PAK4: variants seen among roughly 807,000 people sequenced by gnomAD.
PAK4 encodes the protein p21 (RAC1) activated kinase 4, also known as serine/threonine-protein kinase PAK 4.
Under a neutral mutation model 53.5 loss-of-function variants are expected in PAK4, and 49 were observed. That is an observed-to-expected ratio of 0.92 (90% confidence interval 0.73 to 1.16). PAK4 has a LOEUF of 1.16. Ranked by LOEUF, PAK4 falls within the 50% of genes most tolerant of loss-of-function variation. The pLI, the probability that PAK4 is intolerant of heterozygous loss-of-function variation, is 0.00. For missense variants in PAK4, 824 were observed against 850.7 expected (o/e 0.97, Z 0.39); for synonymous variants, 376 against 375.6 (o/e 1.00, Z -0.01).
rs766918820 is a variant in PAK4 at position 39,173,387 on chromosome 19, C to T, written c.663+11C>T. On this transcript the variant is annotated intron_variant, in intron 3 of 8. Transcript: ENST00000358301. This position sits in a 1 kb window ranked among gnomAD's most constrained non-coding sequence, Gnocchi z 6.9. Reference sequence around the variant, plus strand: ...TCCCGGGGTGCCCAGGTAACCCATCCCCCGCCCCAGGGCCCCCACTGTCCC... The same window carrying T: ...TCCCGGGGTGCCCAGGTAACCCATCTCCCGCCCCAGGGCCCCCACTGTCCC... 70 of 1,511,920 alleles carry T rather than the reference C, an allele frequency of 4.6e-5. No homozygotes were observed. Among genetic ancestry groups the T allele is most frequent in the Non-Finnish European group, 6.0e-5 (68 of 1,128,742 alleles). The allele number at this position is 1,511,920 out of a possible 1,614,324, so 93.7% of individuals were successfully genotyped here. A position where few individuals can be genotyped will look rare whatever the true frequency, so the allele number is the denominator to read the frequency against.
chr19:39,154,183 C>T (rs2074138660), intron 1 of PAK4, among the ~76,000 whole-genome samples: 1 of 152,140 alleles, frequency 6.6e-6, no homozygotes, highest in Non-Finnish European at 1.5e-5. Flanking sequence ...GTGCTCCCTG[C>T]CCCATGGGCC....
At chr19:39,172,203 C>G (rs1206220715) in intron 2 of PAK4, among the ~76,000 whole-genome samples, 1 of 115,266 alleles carries the variant, frequency 8.7e-6, no homozygotes. Context: ...GAGCCGCCAG[C>G]GGAGAGGCCC....
intron 1 of PAK4, among the ~76,000 whole-genome samples, chr19:39,152,931 C>T (rs1005748886): frequency 3.3e-5 from 5 of 152,276 alleles, no homozygotes; most frequent in African/African-American, 1.2e-4. Flanking sequence ...GGAGGGCCAG[C>T]TTTTCCATCC....
At chr19:39,159,734 T>G (rs1200568945) in intron 1 of PAK4, among the ~76,000 whole-genome samples, 2 of 152,028 alleles carry the variant, frequency 1.3e-5, no homozygotes, top group Admixed American at 6.6e-5. Flanking sequence ...AAGGTGAAGG[T>G]TGAGGGGGCA....
At chr19:39,164,436 T>TGGGA (rs1293124437) in intron 1 of PAK4, among the ~76,000 whole-genome samples, 3 of 151,072 alleles carry the variant, frequency 2.0e-5, no homozygotes, top group Non-Finnish European at 4.4e-5. Flanking sequence ...TCAGGGAAGG[T>TGGGA]GGGAGATCAG....
rs770587781 is a variant in PAK4, at chr19:39,143,524, C to T, written c.-23+17605C>T. On this transcript the variant is annotated intron_variant, in intron 1 of 8. Transcript: ENST00000358301. Reference sequence around the variant, plus strand: ...AGGAGAATCGCTGGAACCCAGGAGGCGGAGGTTGCAGTGAGCCAAGATCAC... The same window carrying T: ...AGGAGAATCGCTGGAACCCAGGAGGTGGAGGTTGCAGTGAGCCAAGATCAC... Among the ~76,000 whole-genome samples, 38 of 121,598 alleles carry T rather than the reference C, an allele frequency of 3.1e-4. No individual in the cohort carries two copies. The Middle Eastern group carries it at 0.024, about 76-fold the overall frequency. The allele number at this position is 121,598 out of a possible 152,430, so 79.8% of individuals were successfully genotyped here.
intron 1 of PAK4, among the ~76,000 whole-genome samples, chr19:39,157,154 T>G (rs2074198883): frequency 6.6e-6 from 1 of 151,842 alleles, no homozygotes. Flanking sequence ...TGGGTGACCC[T>G]GGAGTTGACT....
At chr19:39,150,502 G>C (rs1207947570) in intron 1 of PAK4, among the ~76,000 whole-genome samples, 1 of 152,044 alleles carries the variant, frequency 6.6e-6, no homozygotes, top group Non-Finnish European at 1.5e-5. Context: ...CCTCACAGTT[G>C]CCCAAACAGC....
chr19:39,158,080 GTGTGTGTGCA>G (rs1357145853), intron 1 of PAK4, among the ~76,000 whole-genome samples: 8 of 151,942 alleles, frequency 5.3e-5, no homozygotes, highest in Admixed American at 5.2e-4. Flanking sequence ...GCATGCATGT[GTGTGTGTGCA>G]TGTGTGTGCA....
At chr19:39,155,799 C>T (rs1221584979) in intron 1 of PAK4, among the ~76,000 whole-genome samples, 5 of 152,216 alleles carry the variant, frequency 3.3e-5, no homozygotes, top group Admixed American at 6.5e-5. Flanking sequence ...CGCCTCTCCG[C>T]GCCTCAGTTT....
chr19:39,166,356 A>C (rs1363753546), intron 1 of PAK4, among the ~76,000 whole-genome samples: 2 of 152,244 alleles, frequency 1.3e-5, no homozygotes, highest in Non-Finnish European at 2.9e-5. Context: ...AGGCAGGAGA[A>C]TTGCTTGAAG....
downstream of PAK4, chr19:39,179,451 TTGGG>T (rs1238243831): frequency 6.6e-6 from 1 of 151,104 alleles, no homozygotes; most frequent in Non-Finnish European, 1.5e-5. Context: ...CCCGGCTGTC[TTGGG>T]TGGGAATTTG....
chr19:39,164,199 C>T (rs1433327541), intron 1 of PAK4, among the ~76,000 whole-genome samples: 2 of 151,192 alleles, frequency 1.3e-5, no homozygotes, highest in Admixed American at 1.3e-4. Flanking sequence ...AGCACATGAA[C>T]CCACTAGGCG....
At chr19:39,177,790 G>A (rs749373073) in exon 8 of PAK4, 63 of 1,613,060 alleles carry the variant, frequency 3.9e-5, no homozygotes, top group Middle Eastern at 3.3e-4. Flanking sequence ...CTGCCACCCC[G>A]ACTGAAGAAC....
chr19:39,145,352 G>A (rs945456851), intron 1 of PAK4, among the ~76,000 whole-genome samples: 4 of 152,232 alleles, frequency 2.6e-5, no homozygotes, highest in Non-Finnish European at 5.9e-5. Context: ...AGCGGCACTT[G>A]GCTGCAACTC....
At chr19:39,128,318 A>T (rs568581405) in intron 1 of PAK4, among the ~76,000 whole-genome samples, 2 of 152,198 alleles carry the variant, frequency 1.3e-5, no homozygotes, top group East Asian at 3.9e-4. Context: ...GGCCTCAGAG[A>T]CAGTGGAGGC....
exon 5 of PAK4, chr19:39,174,934 G>A: frequency 6.2e-7 from 1 of 1,613,768 alleles, no homozygotes; most frequent in African/African-American, 1.3e-5. Context: ...TGCACAGGTG[G>A]TAATCATGAG....
intron 1 of PAK4, among the ~76,000 whole-genome samples, chr19:39,165,588 G>A (rs1166104566): frequency 6.6e-6 from 1 of 151,870 alleles, no homozygotes; most frequent in African/African-American, 2.4e-5. Flanking sequence ...TGTCACCTCA[G>A]CCCTCCAGGG....
chr19:39,177,053 A>T (rs968727747), intron 7 of PAK4, among the ~76,000 whole-genome samples: 1 of 151,904 alleles, frequency 6.6e-6, no homozygotes, highest in African/African-American at 2.4e-5. Context: ...ATTAGTAGAG[A>T]TGGGGGTTTC....
Sources: allele counts gnomAD v4.1 joint callset (sites outside exome capture counted in the v4.1 genomes callset), GRCh38; gene constraint gnomAD v4.1.1; non-coding constraint Gnocchi (gnomAD v3.1); transcripts MANE v1.5; gene names NCBI Gene and HGNC (gene_info 2026-07-23, HGNC 2026-07-21).